The following C17orf99 variants were observed in gnomAD, a reference collection of about 807,000 sequenced individuals.
C17orf99 encodes the protein chromosome 17 open reading frame 99, also known as protein IL-40.
Under a neutral mutation model 22.6 loss-of-function variants are expected in C17orf99, and 18 were observed. The ratio of observed to expected loss-of-function variants is 0.80; its 90% confidence interval spans 0.55 to 1.18. The LOEUF (loss-of-function observed/expected upper bound fraction) is 1.18. Among genes scored for constraint, C17orf99 ranks in the 50% most tolerant of loss-of-function variants. The pLI, the probability that C17orf99 is intolerant of heterozygous loss-of-function variation, is 0.00. For missense variants in C17orf99, 328 were observed against 342.7 expected, an observed-to-expected ratio of 0.96 and a Z score of 0.34; for synonymous variants, 147 against 136.6, an observed-to-expected ratio of 1.08 and a Z score of -0.53.
At chr17:78,164,430 C>T (rs865831572) in intron 4 of C17orf99, 66 bp downstream of exon 4, 13 of 1,550,510 alleles carry the variant, frequency 8.4e-6, no homozygotes, top group Middle Eastern at 1.7e-4. Flanking sequence ...TGCTAGTGTC[C>T]AAGACACAGG....
chr17:78,146,972 C>G lies in C17orf99; in HGVS notation c.70+61C>G. The stretch of plus-strand genomic sequence containing the variant: ...CAGCTGGGACCCTGGTGTCAGAACC[C>G]CCATGGTGGAGGGCGCCTCGGCTGG... On this transcript the variant is annotated intron_variant, in intron 2 of 4. Transcript: ENST00000340363. This position sits in a 1 kb window ranked among gnomAD's most constrained non-coding sequence, Gnocchi z 5.2. 6.8e-7 allele frequency: 1 copy of G among 1,466,870 alleles called. No individual in the cohort carries two copies. The highest frequency in any genetic ancestry group is 9.3e-7 in the Non-Finnish European group (1 of 1,070,160). The allele number at this position is 1,466,870 out of a possible 1,614,324, so 90.9% of individuals were successfully genotyped here.
intron 2 of C17orf99, chr17:78,159,943 C>A: frequency 9.7e-6 from 4 of 413,688 alleles, no homozygotes; most frequent in South Asian, 6.9e-5. Flanking sequence ...ATGGATCAAC[C>A]ACATTCTATT....
intron 4 of C17orf99, chr17:78,164,908 C>CGCA (rs2075606952): frequency 8.6e-7 from 1 of 1,165,206 alleles, no homozygotes; most frequent in South Asian, 1.8e-5. Context: ...CTCCCAGGTG[C>CGCA]CCTGTAACAC....
chr17:78,153,238 C>T (rs1395538728), intron 2 of C17orf99, among the ~76,000 whole-genome samples: 4 of 152,064 alleles, frequency 2.6e-5, no homozygotes, highest in African/African-American at 4.8e-5. Flanking sequence ...AATCCCGGCA[C>T]TCTGGGAGGC....
intron 2 of C17orf99, among the ~76,000 whole-genome samples, chr17:78,152,790 A>G (rs1598943398): frequency 6.6e-6 from 1 of 151,808 alleles, no homozygotes; most frequent in Non-Finnish European, 1.5e-5. Context: ...AGAATTTTGA[A>G]TTAAATGATA....
chr17:78,153,039 C>G (rs572344467), intron 2 of C17orf99, among the ~76,000 whole-genome samples: 2 of 151,628 alleles, frequency 1.3e-5, no homozygotes, highest in African/African-American at 4.9e-5. Context: ...TGAGATCGTG[C>G]CGCTGCACTC....
At chr17:78,149,190 G>A (rs191477898) in intron 2 of C17orf99, among the ~76,000 whole-genome samples, 1 of 151,744 alleles carries the variant, frequency 6.6e-6, no homozygotes, top group Admixed American at 6.6e-5. Flanking sequence ...AAATTAGCCG[G>A]GCGTGGTGGC....
chr17:78,155,204 A>G (rs1463809397), intron 2 of C17orf99, among the ~76,000 whole-genome samples: 2 of 151,598 alleles, frequency 1.3e-5, no homozygotes, highest in Non-Finnish European at 2.9e-5. Context: ...TGACAACCAA[A>G]AATGTCCCCA....
At chr17:78,152,995 C>A (rs965857610) in intron 2 of C17orf99, among the ~76,000 whole-genome samples, 5 of 151,724 alleles carry the variant, frequency 3.3e-5, no homozygotes, top group Non-Finnish European at 7.4e-5. Flanking sequence ...GGCGGAGAAT[C>A]ACTTGAAACA....
rs145430993 is a variant in C17orf99 at position 78,164,555 on chromosome 17, C to A, written c.640+191C>A. ...AGGAAGCCCAACCCAGCTGCCTCCG[C>A]CCCCTCCCAGGAGGGTTGCCCAGGG... On this transcript the variant is annotated intron_variant, in intron 4 of 4. Coordinates refer to ENST00000340363, the MANE Select transcript of C17orf99 (RefSeq NM_001163075.2). 1.0e-3 allele frequency: 1,581 copies of A among 1,533,406 alleles called. 6 individuals are homozygous for A. In the African/African-American group the frequency reaches 0.017, roughly 17 times the overall value. The allele number at this position is 1,533,406 out of a possible 1,614,324, so 95.0% of individuals were successfully genotyped here.
At chr17:78,150,411 G>C (rs138429971) in intron 2 of C17orf99, among the ~76,000 whole-genome samples, 2 of 152,076 alleles carry the variant, frequency 1.3e-5, no homozygotes, top group Non-Finnish European at 2.9e-5. Context: ...CCCGAAGTGC[G>C]GGGGTTACAG....
At chr17:78,157,973 CA>C (rs1423322437) in intron 2 of C17orf99, 1 of 1,244,666 alleles carries the variant, frequency 8.0e-7, no homozygotes, top group African/African-American at 1.5e-5. Context: ...CCTGTCAACT[CA>C]TAACATGGAT....
intron 2 of C17orf99, among the ~76,000 whole-genome samples, chr17:78,150,809 C>T (rs559931130): frequency 1.1e-4 from 16 of 152,148 alleles, no homozygotes; most frequent in African/African-American, 3.4e-4. Context: ...ATTTTGATTC[C>T]GGCTGAGCCT....
rs35155993 is a variant in C17orf99, at chr17:78,149,331, CAAAAAAAAAAAAA to C, written c.70+2438_70+2450del. ...TGGGCAACAGAGAGAGACTCTGCCT[CAAAAAAAAAAAAA>C]AAAAAAAAAAAAAAAAAGGCGCCAG... On this transcript the variant is annotated intron_variant, in intron 2 of 4. Transcript: ENST00000340363. Among the ~76,000 whole-genome samples, 19 of 41,014 alleles carry C rather than the reference CAAAAAAAAAAAAA, an allele frequency of 4.6e-4. No individual in the cohort carries two copies. In the South Asian group the frequency reaches 9.3e-3, roughly 20 times the overall value. The allele number at this position is 41,014 out of a possible 152,430, so 26.9% of individuals were successfully genotyped here.
chr17:78,159,853 G>C (rs541631320), intron 2 of C17orf99, among the ~76,000 whole-genome samples: 2 of 152,248 alleles, frequency 1.3e-5, no homozygotes, highest in South Asian at 4.2e-4. Context: ...TTTTTGTTTA[G>C]TGGAATGTTG....
intron 4 of C17orf99, chr17:78,165,478 C>T: frequency 1.0e-6 from 1 of 985,984 alleles, no homozygotes; most frequent in Non-Finnish European, 1.2e-6. Context: ...GTCTCTTCTG[C>T]TGGGGCACTG....
intron 2 of C17orf99, chr17:78,157,895 C>T: frequency 8.6e-7 from 1 of 1,164,114 alleles, no homozygotes; most frequent in Non-Finnish European, 1.3e-6. Context: ...GACTGGCAAG[C>T]ACGGCCATGC....
rs1439427739 is a variant in C17orf99 at position 78,161,031 on chromosome 17, CTG to C, written c.150_151del (p.Ala51ThrfsTer77). On this transcript the variant is annotated frameshift_variant, in exon 3 of 5. Transcript: ENST00000340363. LOFTEE classifies it high-confidence loss of function. ...AAGGCCGCTGGGTGCTCATAACCTG[CTG>C]TGCACCCCAGCCACCACCGCCCATC... ...PKGRWVLITC[C>X]APQPPPPITY... The C allele has an allele frequency of 3.0e-5, 47 of 1,551,226 alleles. No individual in the cohort carries two copies. Among genetic ancestry groups the C allele is most frequent in the Non-Finnish European group, 2.8e-5 (32 of 1,146,704 alleles).
At chr17:78,162,592 C>T (rs2075586711) in intron 3 of C17orf99, among the ~76,000 whole-genome samples, 1 of 152,084 alleles carries the variant, frequency 6.6e-6, no homozygotes, top group Admixed American at 6.6e-5. Context: ...CACTTACTGG[C>T]TGGGGTCTTG....
Sources: gnomAD v4.1 joint callset for allele counts (sites outside exome capture counted in the v4.1 genomes callset) on GRCh38, gnomAD v4.1.1 for gene constraint, Gnocchi (gnomAD v3.1) non-coding constraint, MANE v1.5 for transcripts, NCBI Gene and HGNC (gene_info 2026-07-23, HGNC 2026-07-21) for gene names.